The following TOGARAM1 variants were observed in gnomAD, a reference collection of about 807,000 sequenced individuals.
TOGARAM1 encodes the protein TOG array regulator of axonemal microtubules protein 1.
A neutral mutation model predicts 166.6 loss-of-function variants in TOGARAM1; 100 were observed. The ratio of observed to expected loss-of-function variants is 0.60; its 90% CI spans 0.51 to 0.71. TOGARAM1 has a LOEUF of 0.71. Ranked by LOEUF, TOGARAM1 falls within the 30% of genes least tolerant of loss-of-function variation. TOGARAM1 has a pLI of 0.00. For synonymous variants in TOGARAM1, 758 were observed against 763.8 expected (o/e 0.99, Z 0.13); for missense variants, 2,029 against 2,102.7 (o/e 0.96, Z 0.69).
intron 18 of TOGARAM1, among the ~76,000 whole-genome samples, chr14:45,069,711 C>T (rs1426931392): frequency 6.6e-6 from 1 of 151,992 alleles, no homozygotes; most frequent in Non-Finnish European, 1.5e-5. Context: ...AAAATAGTGA[C>T]AATACAAAAT....
chr14:45,021,679 C>T (rs8022599), intron 7 of TOGARAM1, among the ~76,000 whole-genome samples: 7,096 of 152,056 alleles, frequency 0.047, 538 homozygotes, highest in African/African-American at 0.16. Context: ...ACTTTAACCG[C>T]GGTTGGGGTA....
chr14:45,035,521 T>C (rs895110633), intron 11 of TOGARAM1, among the ~76,000 whole-genome samples: 1 of 152,008 alleles, frequency 6.6e-6, no homozygotes, highest in African/African-American at 2.4e-5. Context: ...ATGGACAAAA[T>C]TTGTTCAAAT....
At chr14:45,032,020 CATT>C (rs1320427526) in intron 10 of TOGARAM1, among the ~76,000 whole-genome samples, 200 bp from the exon 11 acceptor site, 1 of 151,966 alleles carries the variant, frequency 6.6e-6, no homozygotes, top group African/African-American at 2.4e-5. Flanking sequence ...ATTAGCTGGG[CATT>C]GTGGTGCGCA....
In TOGARAM1 at chr14:45,065,019, A is replaced by T. The variant is rs960548916; in HGVS notation, c.4560-1559A>T. ...ATGTGCATCTTTACTGTCTCACAGTATACTTTCAAATAGTATTAGACCACT... is the reference window on the plus strand; with the variant it reads ...ATGTGCATCTTTACTGTCTCACAGTTTACTTTCAAATAGTATTAGACCACT... On this transcript the variant is annotated intron_variant, in intron 16 of 19. Coordinates refer to ENST00000361462, the MANE Select transcript of TOGARAM1 (RefSeq NM_001308120.2). Among the ~76,000 whole-genome samples, 4 of 152,158 alleles carry T rather than the reference A, an allele frequency of 2.6e-5. No homozygotes were observed. The East Asian group carries it at 7.7e-4, about 29-fold the overall frequency.
intron 1 of TOGARAM1, among the ~76,000 whole-genome samples, chr14:44,989,059 A>G (rs1211383754): frequency 6.6e-6 from 1 of 152,252 alleles, no homozygotes; most frequent in Non-Finnish European, 1.5e-5. Flanking sequence ...AGAGATAACA[A>G]GTGTTTGTTG....
intron 10 of TOGARAM1, among the ~76,000 whole-genome samples, chr14:45,031,571 C>T (rs555857168): frequency 6.6e-6 from 1 of 152,172 alleles, no homozygotes; most frequent in Non-Finnish European, 1.5e-5. Context: ...TATATATCCA[C>T]ATTTTTACAA....
Position 44,962,495 on chromosome 14 carries a change from G to A in TOGARAM1, c.74G>A (p.Arg25His), listed in dbSNP as rs140246403. The change falls in exon 1 of 20, where the codon CGC becomes CAC. Residue 25 changes from arginine (R) to histidine (H), a missense_variant. By Grantham distance (29) the Arg-to-His change is conservative. Coordinates refer to ENST00000361462, the MANE Select transcript of TOGARAM1 (RefSeq NM_001308120.2). Reference sequence around the variant, plus strand: ...CTCTCTACCTATCGGCTCCAGAGCCGCAGTCGTCCTTCCGCCCCAGAGACC... The same window carrying A: ...CTCTCTACCTATCGGCTCCAGAGCCACAGTCGTCCTTCCGCCCCAGAGACC... ...PVLSTYRLQS[R>H]SRPSAPETDD... 1.0e-4 allele frequency: 168 copies of A among 1,611,310 alleles called. 1 individual carries two copies. In the Middle Eastern group the frequency reaches 1.7e-3, roughly 16 times the overall value.
At chr14:44,984,370 T>A (rs1019226189) in intron 1 of TOGARAM1, among the ~76,000 whole-genome samples, 1 of 151,958 alleles carries the variant, frequency 6.6e-6, no homozygotes, top group Non-Finnish European at 1.5e-5. Flanking sequence ...TTTAGACACA[T>A]ACAAACATGG....
Position 45,054,435 on chromosome 14 carries a change from TGGG to T in TOGARAM1, c.4448_4450del (p.Gly1483del). ...TAATTTTATATTTACTTGCAGGGTT[TGGG>T]GGAGATACCATTAGATACTCCTTCA... On this transcript the variant is annotated inframe_deletion, in exon 16 of 20. Transcript: ENST00000361462. 6.2e-7 allele frequency: 1 copy of T among 1,600,198 alleles called. No homozygotes were observed. Among genetic ancestry groups the T allele is most frequent in the Non-Finnish European group, 8.6e-7 (1 of 1,169,316 alleles).
At position 45,046,622 on chromosome 14, in the gene TOGARAM1, T is replaced by C; in HGVS notation, c.4232T>C (p.Ile1411Thr). ...DVLEFMEPER[I>T]LSAAKDMAER... ...TTGGAATTTATGGAACCAGAACGTA[T>C]TTTATCTGCAGCAAAGGATATGGCT... The change falls in exon 14 of 20, where the codon ATT (isoleucine) becomes ACT (threonine). Residue 1411 changes from isoleucine (I) to threonine (T), a missense_variant. This residue lies in a region of TOGARAM1 where 576 missense variants were observed against 670.5 expected (regional missense o/e 0.86). Coordinates refer to ENST00000361462, the MANE Select transcript of TOGARAM1 (RefSeq NM_001308120.2). 1 of 1,420,496 alleles carries C rather than the reference T, an allele frequency of 7.0e-7. No homozygotes were observed. The highest frequency in any genetic ancestry group is 9.3e-7 in the Non-Finnish European group (1 of 1,079,984). The allele number at this position is 1,420,496 out of a possible 1,614,324, so 88.0% of individuals were successfully genotyped here.
intron 19 of TOGARAM1, 121 bp from the exon 20 acceptor site, chr14:45,073,175 T>C: frequency 2.4e-5 from 24 of 1,009,120 alleles, no homozygotes; most frequent in Non-Finnish European, 3.3e-5. Flanking sequence ...TTAAGAAGCC[T>C]AACTTTTTAG....
chr14:44,995,462 T>C, intron 1 of TOGARAM1: 1 of 476,898 alleles, frequency 2.1e-6, no homozygotes, highest in Non-Finnish European at 4.2e-6. Flanking sequence ...TTTTGTCATT[T>C]GTATTCTCTC....
At chr14:45,021,374 C>A (rs180870996) in intron 7 of TOGARAM1, among the ~76,000 whole-genome samples, 1 of 152,146 alleles carries the variant, frequency 6.6e-6, no homozygotes, top group East Asian at 1.9e-4. Context: ...TTCCGGGAAG[C>A]CGCATTCTCC....
At chr14:45,069,362 CTG>C (rs1883278457) in intron 18 of TOGARAM1, among the ~76,000 whole-genome samples, 1 of 151,368 alleles carries the variant, frequency 6.6e-6, no homozygotes, top group African/African-American at 2.4e-5. Flanking sequence ...GAGTGAGACT[CTG>C]TATCAAAAAA....
chr14:45,033,404 C>A (rs998124473), intron 11 of TOGARAM1, among the ~76,000 whole-genome samples: 6 of 152,154 alleles, frequency 3.9e-5, no homozygotes, highest in Admixed American at 3.9e-4. Flanking sequence ...AGGGCAGATG[C>A]CTCTGTTGCA....
At chr14:45,013,777 C>T (rs1223153524) in intron 7 of TOGARAM1, among the ~76,000 whole-genome samples, 2 of 152,066 alleles carry the variant, frequency 1.3e-5, no homozygotes, top group Non-Finnish European at 2.9e-5. Flanking sequence ...GGCTGATCAT[C>T]CTAATCTATA....
At chr14:44,974,372 G>T (rs777188564) in intron 1 of TOGARAM1, among the ~76,000 whole-genome samples, 3 of 151,822 alleles carry the variant, frequency 2.0e-5, no homozygotes, top group African/African-American at 7.3e-5. Flanking sequence ...TAGAAGTAAC[G>T]CTTCATGACT....
Position 45,073,280 on chromosome 14 carries a change from T to C in TOGARAM1, c.5057-16T>C, listed in dbSNP as rs1044930343. The C allele has an allele frequency of 1.3e-6, 2 of 1,594,794 alleles. No individual in the cohort carries two copies. Among genetic ancestry groups the C allele is most frequent in the Non-Finnish European group, 1.7e-6 (2 of 1,172,234 alleles). On this transcript the variant is annotated splice_polypyrimidine_tract_variant and intron_variant, in intron 19 of 19. Transcript: ENST00000361462. ...TATTAAGAAAAAACCCTGTTTTTTATATTTTTATGTTTCAGATATTGTTAC... is the reference window on the plus strand; with the variant it reads ...TATTAAGAAAAAACCCTGTTTTTTACATTTTTATGTTTCAGATATTGTTAC...
Position 45,027,394 on chromosome 14 carries a change from A to G in TOGARAM1, c.3424A>G (p.Ile1142Val). Residue 1142 changes from isoleucine to valine, a missense_variant, in exon 9 of 20, where the codon ATT becomes GTT. By Grantham distance (29) the Ile-to-Val change is conservative (BLOSUM62 3). Transcript: ENST00000361462. ...NGDTFSIKQS[I>V]EPPSGIYGRS... ...GGATACATTTTCAATTAAACAAAGTATTGAACCACCATCAGGGATTTATGG... is the reference window on the plus strand; with the variant it reads ...GGATACATTTTCAATTAAACAAAGTGTTGAACCACCATCAGGGATTTATGG... 6.2e-7 allele frequency: 1 copy of G among 1,613,858 alleles called. No individual in the cohort carries two copies. Among genetic ancestry groups the G allele is most frequent in the Non-Finnish European group, 8.5e-7 (1 of 1,179,874 alleles).
Sources: gnomAD v4.1 joint callset for allele counts (sites outside exome capture counted in the v4.1 genomes callset) on GRCh38, gnomAD v4.1.1 for gene constraint, gnomAD v4.1.1 regional missense constraint, MANE v1.5 for transcripts, NCBI Gene and HGNC (gene_info 2026-07-23, HGNC 2026-07-21) for gene names.